Variants in GKAP1 observed in about 807,000 individuals in gnomAD.
The protein encoded by GKAP1 is G kinase-anchoring protein 1.
In GKAP1, 31 loss-of-function variants were observed where a neutral mutation model predicts 56.7. That is an observed-to-expected ratio of 0.55 (90% CI 0.41 to 0.74). The LOEUF (loss-of-function observed/expected upper bound fraction) is 0.74, where lower values mean the gene tolerates loss of function less well. Ranked by LOEUF, GKAP1 falls within the 30% of genes least tolerant of loss-of-function variation. The pLI is 0.00. For synonymous variants in GKAP1, 151 were observed against 138.6 expected, an observed-to-expected ratio of 1.09 and a Z score of -0.63; for missense variants, 364 against 402.3, an observed-to-expected ratio of 0.90 and a Z score of 0.82.
chr9:83,804,831 G>A (rs144242977), intron 3 of GKAP1, among the ~76,000 whole-genome samples: 42,827 of 106,060 alleles, frequency 0.4, 10,701 homozygotes, highest in African/African-American at 0.56. Flanking sequence ...CAGCCGCCCC[G>A]TCCGGGAGGG....
chr9:83,795,793 A>G (rs1297137178), intron 4 of GKAP1, among the ~76,000 whole-genome samples: 3 of 152,002 alleles, frequency 2.0e-5, no homozygotes, highest in African/African-American at 7.2e-5. Context: ...GGCTCAAGTG[A>G]TCTGCCTACC....
chr9:83,784,573 C>A (rs1944032359), intron 6 of GKAP1, 142 bp downstream of exon 6: 1 of 600,268 alleles, frequency 1.7e-6, no homozygotes. Flanking sequence ...CGAACTAAGA[C>A]AAAGGTTTAC....
intron 10 of GKAP1, among the ~76,000 whole-genome samples, chr9:83,745,431 AT>A (rs1292902066): frequency 1.3e-5 from 2 of 152,126 alleles, no homozygotes; most frequent in African/African-American, 4.8e-5. Flanking sequence ...TGTTACAAGT[AT>A]TTTCATGTAA....
chr9:83,740,201 C>T (rs1337488375), intron 12 of GKAP1, among the ~76,000 whole-genome samples: 2 of 151,982 alleles, frequency 1.3e-5, no homozygotes, highest in Non-Finnish European at 2.9e-5. Context: ...TGATTTTGTT[C>T]ATTAGTGGAT....
chr9:83,766,058 A>G (rs1027233306), intron 8 of GKAP1, among the ~76,000 whole-genome samples: 1 of 152,188 alleles, frequency 6.6e-6, no homozygotes, highest in Non-Finnish European at 1.5e-5. Flanking sequence ...AATAATTCCC[A>G]TGAGTCCAGG....
intron 9 of GKAP1, among the ~76,000 whole-genome samples, chr9:83,751,942 A>G (rs1943396858): frequency 6.6e-6 from 1 of 152,194 alleles, no homozygotes; most frequent in African/African-American, 2.4e-5. Context: ...GTGGAATTAT[A>G]TAATCCAGCA....
chr9:83,788,631 TAGTAAC>T lies in GKAP1; in HGVS notation c.402_407del (p.Leu135_Leu136del). On this transcript the variant is annotated inframe_deletion, in exon 5 of 13. Coordinates refer to ENST00000376371, the MANE Select transcript of GKAP1 (RefSeq NM_025211.4). ...TGTGCTCTTCATATTCTAGTTTACT[TAGTAAC>T]AATGCCTTCTCAAGATCTGCTTCAA... is the stretch of plus-strand genomic sequence containing the variant. 6.2e-7 allele frequency: 1 copy of T among 1,603,446 alleles called. No individual in the cohort carries two copies. Among genetic ancestry groups the T allele is most frequent in the Non-Finnish European group, 8.5e-7 (1 of 1,174,270 alleles).
intron 8 of GKAP1, among the ~76,000 whole-genome samples, chr9:83,758,264 A>G (rs1943509609): frequency 6.6e-6 from 1 of 152,238 alleles, no homozygotes. Context: ...ATATCAAGCC[A>G]TCAATTCTAA....
At chr9:83,801,613 C>A (rs144225908) in intron 3 of GKAP1, among the ~76,000 whole-genome samples, 1 of 152,186 alleles carries the variant, frequency 6.6e-6, no homozygotes, top group African/African-American at 2.4e-5. Flanking sequence ...GGAAATGAAG[C>A]ACTGGTAGGT....
chr9:83,788,899 A>G, intron 4 of GKAP1: 1 of 342,140 alleles, frequency 2.9e-6, no homozygotes, highest in East Asian at 4.4e-5. Flanking sequence ...TCTCCTCTTC[A>G]TTGTTATCTA....
chr9:83,751,588 A>G (rs911440272), intron 9 of GKAP1, among the ~76,000 whole-genome samples: 1 of 152,204 alleles, frequency 6.6e-6, no homozygotes, highest in Non-Finnish European at 1.5e-5. Flanking sequence ...AGAAGAAGGG[A>G]AATGTAAGAA....
At chr9:83,751,236 T>C (rs1463182950) in intron 9 of GKAP1, among the ~76,000 whole-genome samples, 3 of 152,218 alleles carry the variant, frequency 2.0e-5, no homozygotes, top group Non-Finnish European at 4.4e-5. Flanking sequence ...TCAGCCACAA[T>C]GTACCTTCCT....
intron 4 of GKAP1, among the ~76,000 whole-genome samples, chr9:83,795,013 G>A (rs189063163): frequency 2.4e-4 from 36 of 151,984 alleles, no homozygotes; most frequent in East Asian, 1.4e-3. Flanking sequence ...AAAACTAGCC[G>A]GGCGTGGTGG....
rs958781649 is a variant in GKAP1 at position 83,803,306 on chromosome 9, G to A, written c.216+2996C>T. On this transcript the variant is annotated intron_variant, in intron 3 of 12. Coordinates refer to ENST00000376371, the MANE Select transcript of GKAP1 (RefSeq NM_025211.4). ...CACGGTCTCCCTCTGATGCCGAGCCGAAGCTGGACTGTACTGCTGCCATCT... is the reference window on the plus strand; with the variant it reads ...CACGGTCTCCCTCTGATGCCGAGCCAAAGCTGGACTGTACTGCTGCCATCT... 3.8e-3 allele frequency among the ~76,000 whole-genome samples: 566 copies of A among 149,082 alleles called. 9 individuals carry two copies. Among genetic ancestry groups the A allele is most frequent in the African/African-American group, 0.013 (532 of 40,826 alleles).
chr9:83,804,006 C>T lies in GKAP1; in HGVS notation c.216+2296G>A, dbSNP rs528992027. Among the ~76,000 whole-genome samples the T allele has an allele frequency of 1.7e-4, 25 of 147,402 alleles. 1 individual carries two copies. In the South Asian group the frequency reaches 5.4e-3, roughly 32 times the overall value. On this transcript the variant is annotated intron_variant, in intron 3 of 12. Coordinates refer to ENST00000376371, the MANE Select transcript of GKAP1 (RefSeq NM_025211.4). ...CGCCCCGTCTGAGAAGTGAGGAGAC[C>T]CTCCGCCCAGCATCCGCCCCGTCTG... is the stretch of plus-strand genomic sequence containing the variant.
intron 7 of GKAP1, among the ~76,000 whole-genome samples, chr9:83,771,321 G>A (rs1012299260): frequency 7.2e-5 from 11 of 152,104 alleles, no homozygotes; most frequent in African/African-American, 2.7e-4. Context: ...GACCTCAGGT[G>A]ATCCACCCGC....
chr9:83,784,563 C>G, intron 6 of GKAP1, 152 bp downstream of exon 6: 1 of 537,366 alleles, frequency 1.9e-6, no homozygotes. Flanking sequence ...CAGTACAAAA[C>G]GAACTAAGAC....
chr9:83,782,954 G>A (rs1944002291), intron 6 of GKAP1, among the ~76,000 whole-genome samples: 1 of 152,158 alleles, frequency 6.6e-6, no homozygotes, highest in African/African-American at 2.4e-5. Context: ...ACAGGCGTGA[G>A]CCACCACGCC....
chr9:83,810,583 C>G (rs1321374710), intron 2 of GKAP1, among the ~76,000 whole-genome samples: 1 of 152,096 alleles, frequency 6.6e-6, no homozygotes, highest in Non-Finnish European at 1.5e-5. Context: ...GCCTCTGGTT[C>G]TTTATGTCAG....
Sources: gnomAD v4.1 joint callset for allele counts (sites outside exome capture counted in the v4.1 genomes callset) on GRCh38, gnomAD v4.1.1 for gene constraint, MANE v1.5 for transcripts, NCBI Gene and HGNC (gene_info 2026-07-23, HGNC 2026-07-21) for gene names.